Variants in PTPRZ1 observed in about 807,000 individuals in gnomAD.
PTPRZ1 encodes the protein receptor-type tyrosine-protein phosphatase zeta.
Under a neutral mutation model 214.1 loss-of-function variants are expected in PTPRZ1, and 82 were observed. The ratio of observed to expected loss-of-function variants is 0.38; its 90% CI spans 0.32 to 0.46. The LOEUF (loss-of-function observed/expected upper bound fraction) is 0.46. Ranked by LOEUF, PTPRZ1 falls within the 20% of genes least tolerant of loss-of-function variation. PTPRZ1 has a pLI of 1.00. For synonymous variants in PTPRZ1, 945 were observed against 987.9 expected, an observed-to-expected ratio of 0.96 and a Z score of 0.81; for missense variants, 2,603 against 2,748.7, an observed-to-expected ratio of 0.95 and a Z score of 1.19.
chr7:122,026,359 A>G (rs542336982), intron 13 of PTPRZ1, among the ~76,000 whole-genome samples: 3 of 152,322 alleles, frequency 2.0e-5, no homozygotes, highest in East Asian at 1.9e-4. Context: ...ACCAGCTTGT[A>G]TAACTGTATT....
chr7:121,991,458 T>G (rs1323578540), intron 8 of PTPRZ1, among the ~76,000 whole-genome samples: 1 of 152,154 alleles, frequency 6.6e-6, no homozygotes, highest in Admixed American at 6.5e-5. Context: ...CAGGACAGAG[T>G]AGCATAAAGG....
chr7:121,970,104 A>G (rs963320389), intron 3 of PTPRZ1, among the ~76,000 whole-genome samples: 1 of 151,860 alleles, frequency 6.6e-6, no homozygotes, highest in African/African-American at 2.4e-5. Context: ...TTCCAGCTTC[A>G]TCCATGTCCC....
intron 1 of PTPRZ1, among the ~76,000 whole-genome samples, chr7:121,887,728 G>A (rs754532446): frequency 6.6e-6 from 1 of 152,136 alleles, no homozygotes. Context: ...TTTATTCTAA[G>A]TAGCGGTGGG....
In PTPRZ1 at chr7:121,982,804, C is replaced by T. The variant is rs533905581; in HGVS notation, c.620-861C>T. ...TTCTTTTTTTTTTGAGATGCAGTCTCGCTCTGTCACCCAGGCTGGAGTGCG... is the reference window on the plus strand; with the variant it reads ...TTCTTTTTTTTTTGAGATGCAGTCTTGCTCTGTCACCCAGGCTGGAGTGCG... On this transcript the variant is annotated intron_variant, in intron 6 of 29. Transcript: ENST00000393386. 3.3e-5 allele frequency among the ~76,000 whole-genome samples: 5 copies of T among 151,874 alleles called. No homozygotes were observed. In the South Asian group the frequency reaches 8.3e-4, roughly 25 times the overall value.
chr7:122,042,995 C>T (rs909211701), intron 22 of PTPRZ1, among the ~76,000 whole-genome samples: 12 of 152,174 alleles, frequency 7.9e-5, no homozygotes, highest in African/African-American at 2.9e-4. Context: ...AGCACAATTC[C>T]AGTCTCAGTC....
intron 1 of PTPRZ1, among the ~76,000 whole-genome samples, chr7:121,922,209 A>G (rs943082191): frequency 2.0e-5 from 3 of 152,218 alleles, no homozygotes; most frequent in Non-Finnish European, 4.4e-5. Context: ...AGAACATCTG[A>G]AGATACAAAG....
intron 1 of PTPRZ1, among the ~76,000 whole-genome samples, chr7:121,876,599 G>C (rs564830045): frequency 1.3e-5 from 2 of 152,214 alleles, no homozygotes; most frequent in Non-Finnish European, 2.9e-5. Context: ...TTTATCCTCT[G>C]AAAACAAATT....
chr7:121,961,771 A>G (rs960016010), intron 2 of PTPRZ1, among the ~76,000 whole-genome samples: 4 of 152,240 alleles, frequency 2.6e-5, no homozygotes, highest in African/African-American at 9.6e-5. Flanking sequence ...GAAATAGGCA[A>G]GTTAACAGAC....
chr7:122,058,260 G>A (rs79819115), intron 27 of PTPRZ1, among the ~76,000 whole-genome samples: 521 of 151,986 alleles, frequency 3.4e-3, no homozygotes, highest in African/African-American at 0.011. Context: ...AGCTGGAGGC[G>A]AGAAGTTTAA....
intron 2 of PTPRZ1, among the ~76,000 whole-genome samples, chr7:121,955,355 A>T (rs941061066): frequency 2.0e-4 from 30 of 152,238 alleles, no homozygotes; most frequent in African/African-American, 6.5e-4. Flanking sequence ...TGATGACCCT[A>T]AGGCAACTTT....
intron 10 of PTPRZ1, among the ~76,000 whole-genome samples, chr7:122,000,254 A>T (rs1413234596): frequency 6.6e-6 from 1 of 152,168 alleles, no homozygotes; most frequent in Admixed American, 6.5e-5. Context: ...TGGCATTTTT[A>T]TCCACAGATT....
Position 122,013,848 on chromosome 7 carries a change from T to C in PTPRZ1, c.4802T>C (p.Val1601Ala). 1 of 1,613,468 alleles carries C rather than the reference T, an allele frequency of 6.2e-7. No homozygotes were observed. The highest frequency in any genetic ancestry group is 8.5e-7 in the Non-Finnish European group (1 of 1,179,644). The change falls in exon 12 of 30, where the codon GTT (valine) becomes GCT (alanine). Residue 1601 changes from valine to alanine, a missense_variant. Transcript: ENST00000393386. ...TTCCCACAGTCCCCAACATCATCTGTTACTAGCGAGAACTCAGAAGTGTTC... is the reference window on the plus strand; with the variant it reads ...TTCCCACAGTCCCCAACATCATCTGCTACTAGCGAGAACTCAGAAGTGTTC... Reference protein sequence around the residue: ...PGFPQSPTSSVTSENSEVFHV... With the variant: ...PGFPQSPTSSATSENSEVFHV...
chr7:122,019,455 A>G (rs978415615), intron 13 of PTPRZ1, among the ~76,000 whole-genome samples, 187 bp downstream of exon 13: 18 of 152,184 alleles, frequency 1.2e-4, no homozygotes, highest in Admixed American at 1.0e-3. Flanking sequence ...TCATACATCA[A>G]TTAAAGATAA....
chr7:121,909,459 A>G (rs888096022), intron 1 of PTPRZ1, among the ~76,000 whole-genome samples: 19 of 152,190 alleles, frequency 1.2e-4, no homozygotes, highest in African/African-American at 4.6e-4. Flanking sequence ...GCATCAGACA[A>G]TATATTAATC....
At chr7:121,953,858 T>C (rs962161062) in intron 2 of PTPRZ1, among the ~76,000 whole-genome samples, 4 of 152,090 alleles carry the variant, frequency 2.6e-5, no homozygotes, top group Non-Finnish European at 4.4e-5. Context: ...TAATGCATCA[T>C]TGTACAATGG....
chr7:121,893,692 C>G (rs1794705185), intron 1 of PTPRZ1, among the ~76,000 whole-genome samples: 1 of 152,140 alleles, frequency 6.6e-6, no homozygotes, highest in African/African-American at 2.4e-5. Context: ...CAATCACTGT[C>G]AAACTAGTAT....
In PTPRZ1 at chr7:121,996,533, G is replaced by T; in HGVS notation, c.1080G>T (p.Lys360Asn). Residue 360 changes from lysine (K) to asparagine (N), a missense_variant, in exon 9 of 30, where the codon AAG (lysine) becomes AAT (asparagine). Physicochemically the swap from Lys to Asn is moderately conservative, Grantham distance 94. Transcript: ENST00000393386. ...AGTTGGATGGAGAGGACCAAACCAA[G>T]CATGAATTTTTGACAGATGGCTATC... The part of the protein sequence containing the change: ...YQQLDGEDQT[K>N]HEFLTDGYQD... 1 of 1,597,030 alleles carries T rather than the reference G, an allele frequency of 6.3e-7. No individual in the cohort carries two copies. Among genetic ancestry groups the T allele is most frequent in the Non-Finnish European group, 8.5e-7 (1 of 1,170,316 alleles).
chr7:122,059,824 C>T lies in PTPRZ1; in HGVS notation c.6743C>T (p.Ser2248Phe), dbSNP rs755654824. 6.2e-7 allele frequency: 1 copy of T among 1,613,358 alleles called. No individual in the cohort carries two copies. The highest frequency in any genetic ancestry group is 1.3e-5 in the African/African-American group (1 of 74,796). ...ATGCACCAACTAGAAAAAGAAAATT[C>T]CGTGGATGTTTACCAGGTAGCCAAG... ...TLMHQLEKEN[S>F]VDVYQVAKMI... is the part of the protein sequence containing the mutation. Residue 2248 changes from serine (S) to phenylalanine (F), a missense_variant, in exon 29 of 30, where the codon TCC (serine) becomes TTC (phenylalanine). Transcript: ENST00000393386.
intron 4 of PTPRZ1, among the ~76,000 whole-genome samples, chr7:121,974,797 G>A (rs1306911975): frequency 6.6e-6 from 1 of 152,046 alleles, no homozygotes; most frequent in East Asian, 1.9e-4. Flanking sequence ...CTTCTTTGTT[G>A]TTTTAAAACA....
Sources: gnomAD v4.1 joint callset for allele counts (sites outside exome capture counted in the v4.1 genomes callset) on GRCh38, gnomAD v4.1.1 for gene constraint, MANE v1.5 for transcripts, NCBI Gene and HGNC (gene_info 2026-07-23, HGNC 2026-07-21) for gene names.